CTNND2: variants seen among roughly 807,000 people sequenced by gnomAD.
CTNND2 encodes the protein catenin delta 2.
Under a neutral mutation model 144.4 loss-of-function variants are expected in CTNND2, and 22 were observed. The ratio of observed to expected loss-of-function variants is 0.15; its 90% CI spans 0.11 to 0.22. CTNND2 has a LOEUF of 0.22. Ranked by LOEUF, CTNND2 falls within the 10% of genes least tolerant of loss-of-function variation. The pLI is 1.00. For synonymous variants in CTNND2, 751 were observed against 695.6 expected, an observed-to-expected ratio of 1.08 and a Z score of -1.25; for missense variants, 1,353 against 1,618.8, an observed-to-expected ratio of 0.84 and a Z score of 2.82.
chr5:11,809,033 G>A (rs1289727046), intron 1 of CTNND2, among the ~76,000 whole-genome samples: 3 of 152,070 alleles, frequency 2.0e-5, no homozygotes, highest in African/African-American at 7.2e-5. Flanking sequence ...AAAATTCTTG[G>A]GATATAATTC....
At chr5:11,374,736 T>G (rs1322083584) in intron 7 of CTNND2, among the ~76,000 whole-genome samples, 1 of 151,762 alleles carries the variant, frequency 6.6e-6, no homozygotes, top group Non-Finnish European at 1.5e-5. Flanking sequence ...CTACGAATAT[T>G]TCCATGGAAA....
At chr5:11,045,102 G>C (rs995805044) in intron 16 of CTNND2, among the ~76,000 whole-genome samples, 2 of 152,234 alleles carry the variant, frequency 1.3e-5, no homozygotes, top group African/African-American at 4.8e-5. Context: ...AGGCTCTAGG[G>C]GAGGCCTGGC....
chr5:11,614,401 T>A (rs138636843), intron 2 of CTNND2, among the ~76,000 whole-genome samples: 6 of 152,282 alleles, frequency 3.9e-5, no homozygotes, highest in Admixed American at 2.6e-4. Flanking sequence ...CTACCAAGAT[T>A]AAAAACTCCA....
chr5:11,201,072 C>T (rs2149830616), intron 10 of CTNND2, among the ~76,000 whole-genome samples: 1 of 152,272 alleles, frequency 6.6e-6, no homozygotes, highest in South Asian at 2.1e-4. Flanking sequence ...CACCCTCACC[C>T]CAAGCCAGCA....
chr5:11,626,527 T>G (rs1781165493), intron 2 of CTNND2, among the ~76,000 whole-genome samples: 1 of 151,682 alleles, frequency 6.6e-6, no homozygotes, highest in African/African-American at 2.4e-5. Flanking sequence ...AATTGAAGAG[T>G]CAGAGTGTTT....
At chr5:11,577,436 C>T (rs1209171294) in intron 2 of CTNND2, among the ~76,000 whole-genome samples, 1 of 152,186 alleles carries the variant, frequency 6.6e-6, no homozygotes, top group African/African-American at 2.4e-5. Context: ...TCAAAGATGA[C>T]TTTCCCTTAG....
intron 1 of CTNND2, among the ~76,000 whole-genome samples, chr5:11,733,109 C>T (rs36027106): frequency 0.023 from 3,496 of 152,230 alleles, 53 homozygotes; most frequent in Middle Eastern, 0.051. Flanking sequence ...CTGAAATAAA[C>T]GTGTATACAT....
At chr5:11,748,923 C>G (rs1352587844) in intron 1 of CTNND2, among the ~76,000 whole-genome samples, 1 of 152,020 alleles carries the variant, frequency 6.6e-6, no homozygotes, top group Non-Finnish European at 1.5e-5. Flanking sequence ...GATCCTGAGA[C>G]AAGTTATGAA....
intron 1 of CTNND2, among the ~76,000 whole-genome samples, chr5:11,734,141 C>T (rs555663796): frequency 7.0e-4 from 106 of 152,304 alleles, no homozygotes; most frequent in African/African-American, 2.3e-3. Flanking sequence ...TCTTTTGCTT[C>T]CCAGCTCCAG....
intron 6 of CTNND2, among the ~76,000 whole-genome samples, chr5:11,386,419 G>A (rs972865097): frequency 3.9e-5 from 6 of 152,150 alleles, no homozygotes; most frequent in African/African-American, 1.2e-4. Flanking sequence ...TACCCGTTCT[G>A]GAATGGCAAT....
intron 6 of CTNND2, among the ~76,000 whole-genome samples, chr5:11,391,204 G>A (rs1380068351): frequency 1.6e-5 from 2 of 121,434 alleles, no homozygotes; most frequent in Non-Finnish European, 3.8e-5. Context: ...GCTTAAAGAT[G>A]ACATATTCAA....
intron 3 of CTNND2, among the ~76,000 whole-genome samples, chr5:11,421,423 T>G (rs944555489): frequency 7.9e-5 from 12 of 152,144 alleles, no homozygotes; most frequent in African/African-American, 2.9e-4. Context: ...TACTTTTGGT[T>G]TTGCATATTG....
intron 9 of CTNND2, among the ~76,000 whole-genome samples, chr5:11,301,920 G>A (rs1749650336): frequency 1.3e-5 from 2 of 152,070 alleles, no homozygotes; most frequent in South Asian, 4.2e-4. Flanking sequence ...GCCCTTCACT[G>A]CTCCATGACT....
rs61751781 is a variant in CTNND2 at position 11,199,048 on chromosome 5, G to C, written c.1975+400C>G. On this transcript the variant is annotated intron_variant, in intron 11 of 21. Coordinates refer to ENST00000304623, the MANE Select transcript of CTNND2 (RefSeq NM_001332.4). The stretch of plus-strand genomic sequence containing the variant: ...ATTTAAAAAATTAACTGCTAAGTAG[G>C]ATAAGCCGTCTGTTGTTAAACACAC... Among the ~76,000 whole-genome samples the C allele has an allele frequency of 1.3e-3, 195 of 152,256 alleles. 2 individuals are homozygous for C. Among genetic ancestry groups the C allele is most frequent in the African/African-American group, 4.5e-3 (189 of 41,546 alleles).
At chr5:11,637,459 C>T (rs1034553727) in intron 2 of CTNND2, among the ~76,000 whole-genome samples, 1 of 152,000 alleles carries the variant, frequency 6.6e-6, no homozygotes, top group African/African-American at 2.4e-5. Context: ...ACTTAATTTC[C>T]CTCCAATTAC....
At chr5:11,587,104 C>T (rs938138631) in intron 2 of CTNND2, among the ~76,000 whole-genome samples, 1 of 152,058 alleles carries the variant, frequency 6.6e-6, no homozygotes, top group Non-Finnish European at 1.5e-5. Context: ...CTTAGTGTCA[C>T]GTAAATCTAT....
At chr5:11,195,514 A>G (rs1736773540) in intron 11 of CTNND2, among the ~76,000 whole-genome samples, 2 of 152,334 alleles carry the variant, frequency 1.3e-5, no homozygotes, top group African/African-American at 4.8e-5. Context: ...AAAGGAGGGA[A>G]TTAATGATGC....
rs142993554 is a variant in CTNND2, at chr5:11,460,122, T to C, written c.288-48053A>G. Among the ~76,000 whole-genome samples the C allele has an allele frequency of 9.0e-3, 1,373 of 152,296 alleles. 20 individuals carry two copies. Among genetic ancestry groups the C allele is most frequent in the African/African-American group, 0.031 (1,296 of 41,548 alleles). On this transcript the variant is annotated intron_variant, in intron 3 of 21. Coordinates refer to ENST00000304623, the MANE Select transcript of CTNND2 (RefSeq NM_001332.4). The stretch of plus-strand genomic sequence containing the variant: ...TAATGGTCCTGTCTTCAATACATGA[T>C]GCCCGCAACAATCCAGTCTACAAAT...
At chr5:11,386,398 T>A (rs1014790965) in intron 6 of CTNND2, among the ~76,000 whole-genome samples, 1 of 152,150 alleles carries the variant, frequency 6.6e-6, no homozygotes, top group African/African-American at 2.4e-5. Flanking sequence ...AAAGTTTCAA[T>A]TATGCCTCTC....
Sources: allele counts gnomAD v4.1 joint callset (sites outside exome capture counted in the v4.1 genomes callset), GRCh38; gene constraint gnomAD v4.1.1; transcripts MANE v1.5; gene names NCBI Gene and HGNC (gene_info 2026-07-23, HGNC 2026-07-21).